Variants in ZSCAN1 observed in about 807,000 individuals in gnomAD.
The protein encoded by ZSCAN1 is zinc finger and SCAN domain containing 1.
In ZSCAN1, 23 loss-of-function variants were observed where a neutral mutation model predicts 23.8. The ratio of observed to expected loss-of-function variants is 0.97; its 90% CI spans 0.70 to 1.37. The LOEUF (loss-of-function observed/expected upper bound fraction) is 1.37, where lower values mean the gene tolerates loss of function less well. Ranked by LOEUF, ZSCAN1 falls within the 40% of genes most tolerant of loss-of-function variation. ZSCAN1 has a pLI of 0.00. For synonymous variants in ZSCAN1, 236 were observed against 232.3 expected, an observed-to-expected ratio of 1.02 and a Z score of -0.15; for missense variants, 575 against 554.0, an observed-to-expected ratio of 1.04 and a Z score of -0.38.
chr19:58,055,508 C>A (rs927446967), downstream of ZSCAN1, among the ~76,000 whole-genome samples: 1 of 152,210 alleles, frequency 6.6e-6, no homozygotes, highest in African/African-American at 2.4e-5. Flanking sequence ...CCCCTCCTGG[C>A]ACCTTCTCTC....
intron 2 of ZSCAN1, among the ~76,000 whole-genome samples, chr19:58,037,122 G>A (rs912813924): frequency 2.6e-5 from 4 of 152,034 alleles, no homozygotes; most frequent in Non-Finnish European, 5.9e-5. Context: ...ATAACACCAT[G>A]GGTAGACCTG....
chr19:58,052,367 C>T, intron 4 of ZSCAN1, 123 bp from the exon 5 acceptor site: 1 of 1,492,402 alleles, frequency 6.7e-7, no homozygotes, highest in Non-Finnish European at 9.1e-7. Context: ...ACAGGCGCGA[C>T]ACCGCGCACT....
In ZSCAN1 at chr19:58,054,451, A is replaced by T. The variant is rs185998191; in HGVS notation, c.*400A>T. ...ATATCCCTGAGGCCATGAGGGTGGGAGCCGGCCTGGGCAGCTCCAACTCCA... is the reference window on the plus strand; with the variant it reads ...ATATCCCTGAGGCCATGAGGGTGGGTGCCGGCCTGGGCAGCTCCAACTCCA... On this transcript the variant is annotated 3_prime_UTR_variant, in exon 6 of 6. Transcript: ENST00000282326. This position sits in a 1 kb window ranked among gnomAD's most constrained non-coding sequence, Gnocchi z 4.2. 80 of 170,766 alleles carry T rather than the reference A, an allele frequency of 4.7e-4. No homozygotes were observed. In the East Asian group the frequency reaches 0.012, roughly 25 times the overall value. The allele number at this position is 170,766 out of a possible 1,614,324, so 10.6% of individuals were successfully genotyped here. A position where few individuals can be genotyped will look rare whatever the true frequency, so the allele number is the denominator to read the frequency against.
intron 3 of ZSCAN1, among the ~76,000 whole-genome samples, chr19:58,038,736 C>T (rs1194666726): frequency 1.3e-5 from 2 of 152,260 alleles, no homozygotes; most frequent in African/African-American, 4.8e-5. Context: ...TGTCCTTCTG[C>T]ATCTTTGCCC....
Position 58,037,965 on chromosome 19 carries a change from G to C in ZSCAN1, c.129G>C (p.Gln43His), listed in dbSNP as rs1303484461. ...AAGCCCAGCGTCTGCGCTTCCGGCA[G>C]TTCCAGTACCACGTGGCGAGCGGGC... Reference protein sequence around the residue: ...DTEAQRLRFRQFQYHVASGPH... With the variant: ...DTEAQRLRFRHFQYHVASGPH... The change falls in exon 3 of 6, where the codon CAG (glutamine) becomes CAC (histidine). Residue 43 changes from glutamine to histidine, a missense_variant. Coordinates refer to ENST00000282326, the MANE Select transcript of ZSCAN1 (RefSeq NM_182572.4). 6.2e-7 allele frequency: 1 copy of C among 1,606,220 alleles called. No homozygotes were observed. Among genetic ancestry groups the C allele is most frequent in the Non-Finnish European group, 8.5e-7 (1 of 1,179,512 alleles).
chr19:58,047,801 G>A lies in ZSCAN1; in HGVS notation c.466-4689G>A, dbSNP rs1454458941. Among the ~76,000 whole-genome samples the A allele has an allele frequency of 6.6e-6, 1 of 152,182 alleles. No individual in the cohort carries two copies. The highest frequency in any genetic ancestry group is 1.5e-5 in the Non-Finnish European group (1 of 68,036). The stretch of plus-strand genomic sequence containing the variant: ...ACAGGGCATCCCCTGGGGCTTCAAG[G>A]GCAACACCCGCAGTGCTTAGGGTTT... On this transcript the variant is annotated intron_variant, in intron 4 of 5. Coordinates refer to ENST00000282326, the MANE Select transcript of ZSCAN1 (RefSeq NM_182572.4). This position sits in a 1 kb window ranked among gnomAD's most constrained non-coding sequence, Gnocchi z 4.9.
intron 4 of ZSCAN1, chr19:58,044,619 GCTGGGCGCCCGC>G: frequency 9.4e-7 from 1 of 1,058,352 alleles, no homozygotes; most frequent in Non-Finnish European, 1.4e-6. Flanking sequence ...AGCTGCCGCG[GCTGGGCGCCCGC>G]CAGCCTCCCG....
intron 4 of ZSCAN1, among the ~76,000 whole-genome samples, chr19:58,041,137 G>A (rs2073786158): frequency 6.6e-6 from 1 of 152,272 alleles, no homozygotes; most frequent in Non-Finnish European, 1.5e-5. Context: ...TGAGTAGCAT[G>A]TGTTCGTATG....
intron 4 of ZSCAN1, chr19:58,046,865 C>G: frequency 1.6e-6 from 1 of 632,746 alleles, no homozygotes; most frequent in South Asian, 1.7e-5. Context: ...TCATCTAATA[C>G]TTTGGCTGGA....
chr19:58,046,051 C>A, intron 4 of ZSCAN1: 1 of 687,960 alleles, frequency 1.5e-6, no homozygotes. Flanking sequence ...GGATGTTGAA[C>A]CCGAATGTGT....
chr19:58,044,766 T>C (rs2073813432), intron 4 of ZSCAN1: 1 of 719,836 alleles, frequency 1.4e-6, no homozygotes, highest in Non-Finnish European at 2.6e-6. Flanking sequence ...CCACCCACCC[T>C]GCCTACCCGT....
chr19:58,043,833 AT>A (rs995984273), intron 4 of ZSCAN1, among the ~76,000 whole-genome samples: 1 of 151,832 alleles, frequency 6.6e-6, no homozygotes, highest in Non-Finnish European at 1.5e-5. Flanking sequence ...ATGTTTTAAA[AT>A]TTTTTTAGTT....
At position 58,034,157 on chromosome 19, in the gene ZSCAN1, G is replaced by A. The variant is rs2073714781; in HGVS notation, c.-156G>A. 1.3e-5 allele frequency: 2 copies of A among 150,992 alleles called. No individual in the cohort carries two copies. The highest frequency in any genetic ancestry group is 6.6e-5 in the Admixed American group (1 of 15,154). The allele number at this position is 150,992 out of a possible 1,614,324, so 9.4% of individuals were successfully genotyped here. A position where few individuals can be genotyped will look rare whatever the true frequency, so the allele number is the denominator to read the frequency against. ...TGGCCCAGGCCCGAGCGAAGCCCGC[G>A]CGCGGTGAGTCCGCCGCGGCCCATC... On this transcript the variant is annotated 5_prime_UTR_variant, in exon 1 of 6. Transcript: ENST00000282326.
rs2073875733 is a variant in ZSCAN1 at position 58,053,909 on chromosome 19, C to T, written c.1085C>T (p.Pro362Leu). ...AGCAAGGGCCCCCGGGAGTCCGTCC[C>T]ACCCAGGGATGGAGCCCAGGGCCCA... ...PRSKGPRESV[P>L]PRDGAQGPVA... The change falls in exon 6 of 6, where the codon CCA becomes CTA. Residue 362 changes from proline to leucine, a missense_variant. By Grantham distance (98) the Pro-to-Leu change is moderately conservative. Coordinates refer to ENST00000282326, the MANE Select transcript of ZSCAN1 (RefSeq NM_182572.4). This position sits in a 1 kb window ranked among gnomAD's most constrained non-coding sequence, Gnocchi z 5.8. 2 of 1,612,992 alleles carry T rather than the reference C, an allele frequency of 1.2e-6. No individual in the cohort carries two copies. The highest frequency in any genetic ancestry group is 1.7e-6 in the Non-Finnish European group (2 of 1,179,306).
rs113832778 is a variant in ZSCAN1 at position 58,044,647 on chromosome 19, G to C, written c.465+4103G>C. The C allele has an allele frequency of 6.6e-4, 662 of 1,003,240 alleles. 3 individuals carry two copies. The African/African-American group carries it at 8.5e-3, about 13-fold the overall frequency. 62.1% of individuals were successfully genotyped at this position (1,003,240 alleles called of 1,614,324 possible). A position where few individuals can be genotyped will look rare whatever the true frequency, so the allele number is the denominator to read the frequency against. ...GGGCGCCCGCCAGCCTCCCGCCGCC[G>C]CCTCGGGTCACCGCCCCGCGGGGTA... On this transcript the variant is annotated intron_variant, in intron 4 of 5. Coordinates refer to ENST00000282326, the MANE Select transcript of ZSCAN1 (RefSeq NM_182572.4).
In ZSCAN1 at chr19:58,045,322, A is replaced by G; in HGVS notation, c.465+4778A>G. 1.3e-6 allele frequency: 1 copy of G among 794,596 alleles called. No individual in the cohort carries two copies. The highest frequency in any genetic ancestry group is 1.3e-5 in the South Asian group (1 of 74,858). The allele number at this position is 794,596 out of a possible 1,614,324, so 49.2% of individuals were successfully genotyped here. On this transcript the variant is annotated intron_variant, in intron 4 of 5. Coordinates refer to ENST00000282326, the MANE Select transcript of ZSCAN1 (RefSeq NM_182572.4). This position sits in a 1 kb window ranked among gnomAD's most constrained non-coding sequence, Gnocchi z 4.3. ...TCCACATCCGAGACTCAGTCCATCA[A>G]GGAGAAGAGGCTGAAGGAGCTTCAG...
chr19:58,036,781 G>C (rs1049688238), intron 2 of ZSCAN1, among the ~76,000 whole-genome samples: 1 of 152,024 alleles, frequency 6.6e-6, no homozygotes. Flanking sequence ...CTGTTTCCTG[G>C]GTTGGAGCAA....
At chr19:58,041,834 T>C (rs1487552350) in intron 4 of ZSCAN1, among the ~76,000 whole-genome samples, 2 of 152,264 alleles carry the variant, frequency 1.3e-5, no homozygotes, top group Middle Eastern at 3.4e-3. Context: ...TATGATCATG[T>C]TTCTACACTC....
chr19:58,040,627 C>T lies in ZSCAN1; in HGVS notation c.465+83C>T. 3 of 1,380,152 alleles carry T rather than the reference C, an allele frequency of 2.2e-6. No homozygotes were observed. The highest frequency in any genetic ancestry group is 2.4e-5 in the South Asian group (2 of 85,058). The allele number at this position is 1,380,152 out of a possible 1,614,324, so 85.5% of individuals were successfully genotyped here. A position where few individuals can be genotyped will look rare whatever the true frequency, so the allele number is the denominator to read the frequency against. Reference sequence around the variant, plus strand: ...TGGGACGGCCTCAAGGATGCCCCATCCAAGGACTGTGTGAGGTTGTCCCCA... The same window carrying T: ...TGGGACGGCCTCAAGGATGCCCCATTCAAGGACTGTGTGAGGTTGTCCCCA... On this transcript the variant is annotated intron_variant, in intron 4 of 5. Coordinates refer to ENST00000282326, the MANE Select transcript of ZSCAN1 (RefSeq NM_182572.4). This position sits in a 1 kb window ranked among gnomAD's most constrained non-coding sequence, Gnocchi z 5.8.
Sources: gnomAD v4.1 joint callset for allele counts (sites outside exome capture counted in the v4.1 genomes callset) on GRCh38, gnomAD v4.1.1 for gene constraint, Gnocchi (gnomAD v3.1) non-coding constraint, MANE v1.5 for transcripts, NCBI Gene and HGNC (gene_info 2026-07-23, HGNC 2026-07-21) for gene names.